The following ITPR2 variants were observed in gnomAD, a reference collection of about 807,000 sequenced individuals.
ITPR2 encodes the protein inositol 1,4,5-trisphosphate receptor type 2.
In ITPR2, 207 loss-of-function variants were observed where a neutral mutation model predicts 317.1. The observed-to-expected ratio is 0.65, with a 90% CI of 0.58 to 0.73. The LOEUF is 0.73. ITPR2 is among the 30% of genes least tolerant of loss of function. The pLI is 0.00. For synonymous variants in ITPR2, 1,156 were observed against 1,149.1 expected, an observed-to-expected ratio of 1.01 and a Z score of -0.12; for missense variants, 2,613 against 3,284.0, an observed-to-expected ratio of 0.80 and a Z score of 4.99.
chr12:26,631,947 G>A lies in ITPR2; in HGVS notation c.2853C>T (p.His951=), dbSNP rs1276169327. The part of the protein sequence containing the change: ...MSVPDVPPSI[H]PSKQGSPTEH... Reference sequence around the variant, plus strand: ...CGGTGGGGCTCCCTTGCTTGCTCGGGTGGATGCTGGGTGGCACATCCGGCA... The same window carrying A: ...CGGTGGGGCTCCCTTGCTTGCTCGGATGGATGCTGGGTGGCACATCCGGCA... Residue 951 remains histidine, a synonymous_variant, in exon 22 of 57, where the codon CAC becomes CAT. Coordinates refer to ENST00000381340, the MANE Select transcript of ITPR2 (RefSeq NM_002223.4). 3 of 1,613,908 alleles carry A rather than the reference G, an allele frequency of 1.9e-6. No homozygotes were observed. In the East Asian group the frequency reaches 6.7e-5, roughly 36 times the overall value.
intron 9 of ITPR2, among the ~76,000 whole-genome samples, chr12:26,700,305 G>C (rs1948421416): frequency 6.6e-6 from 1 of 152,342 alleles, no homozygotes; most frequent in Non-Finnish European, 1.5e-5. Context: ...AGGGAGTGAA[G>C]AAGGCAGCAA....
At chr12:26,770,779 T>A (rs1181223694) in intron 2 of ITPR2, among the ~76,000 whole-genome samples, 1 of 152,194 alleles carries the variant, frequency 6.6e-6, no homozygotes, top group African/African-American at 2.4e-5. Context: ...AGTTTATTAG[T>A]TTCCTGTGAC....
At chr12:26,661,101 C>T (rs1233987373) in intron 15 of ITPR2, among the ~76,000 whole-genome samples, 2 of 151,772 alleles carry the variant, frequency 1.3e-5, no homozygotes, top group African/African-American at 4.8e-5. Flanking sequence ...AATTAGAACA[C>T]ACAACAGAAA....
chr12:26,479,565 T>C (rs905888956), intron 43 of ITPR2, among the ~76,000 whole-genome samples: 4 of 152,130 alleles, frequency 2.6e-5, no homozygotes, highest in Admixed American at 1.3e-4. Flanking sequence ...GAATTTAAGA[T>C]AAAACAACAA....
chr12:26,369,503 G>A (rs1939119011), intron 55 of ITPR2, among the ~76,000 whole-genome samples: 1 of 152,180 alleles, frequency 6.6e-6, no homozygotes, highest in African/African-American at 2.4e-5. Flanking sequence ...GTATAAGAGG[G>A]ATAGAGGAAT....
intron 26 of ITPR2, among the ~76,000 whole-genome samples, chr12:26,615,889 A>G (rs1461315682): frequency 6.6e-6 from 1 of 152,100 alleles, no homozygotes; most frequent in Non-Finnish European, 1.5e-5. Flanking sequence ...GTATTTAAAC[A>G]GAATTAATAA....
At chr12:26,543,811 C>A (rs1297095237) in intron 37 of ITPR2, among the ~76,000 whole-genome samples, 2 of 151,890 alleles carry the variant, frequency 1.3e-5, no homozygotes, top group Non-Finnish European at 2.9e-5. Flanking sequence ...CATTTTGAAG[C>A]ATTCCTTCTC....
intron 37 of ITPR2, among the ~76,000 whole-genome samples, chr12:26,539,797 C>A (rs1031143469): frequency 3.3e-5 from 5 of 152,184 alleles, no homozygotes; most frequent in Non-Finnish European, 4.4e-5. Flanking sequence ...ATGTCAAATA[C>A]AAAGAAACCT....
intron 23 of ITPR2, 117 bp downstream of exon 23, chr12:26,627,916 T>C (rs1207562334): frequency 5.5e-6 from 5 of 903,842 alleles, no homozygotes; most frequent in Non-Finnish European, 6.6e-6. Flanking sequence ...GAACTTAAAG[T>C]ATAATAAAAA....
At chr12:26,360,672 G>A (rs116801505) in intron 55 of ITPR2, among the ~76,000 whole-genome samples, 1,710 of 152,220 alleles carry the variant, frequency 0.011, 31 homozygotes, top group African/African-American at 0.038. Flanking sequence ...TCTTGCCAAC[G>A]TTAGTAGCCA....
rs1355526034 is a variant in ITPR2 at position 26,580,021 on chromosome 12, A to T, written c.4509+6T>A. ...CAACAGAATGCTTTGCAATTGTTTA[A>T]CTTACCTGGAGGCTGGTACTATTGT... is the stretch of plus-strand genomic sequence containing the variant. On this transcript the variant is annotated splice_donor_region_variant and intron_variant, in intron 33 of 56. Coordinates refer to ENST00000381340, the MANE Select transcript of ITPR2 (RefSeq NM_002223.4). 1.9e-6 allele frequency: 3 copies of T among 1,606,078 alleles called. No homozygotes were observed. Among genetic ancestry groups the T allele is most frequent in the Non-Finnish European group, 2.5e-6 (3 of 1,177,078 alleles).
intron 12 of ITPR2, among the ~76,000 whole-genome samples, chr12:26,682,294 G>A (rs548544072): frequency 6.6e-6 from 1 of 152,166 alleles, no homozygotes; most frequent in Non-Finnish European, 1.5e-5. Flanking sequence ...ACAGAGTAGA[G>A]AAAAGGCACT....
intron 51 of ITPR2, among the ~76,000 whole-genome samples, chr12:26,414,423 T>C (rs1021430351): frequency 6.6e-6 from 1 of 152,178 alleles, no homozygotes; most frequent in African/African-American, 2.4e-5. Context: ...TAGTTTTACA[T>C]TTAACGGTTT....
At chr12:26,464,619 C>G (rs1199575763) in intron 45 of ITPR2, among the ~76,000 whole-genome samples, 1 of 152,216 alleles carries the variant, frequency 6.6e-6, no homozygotes, top group Non-Finnish European at 1.5e-5. Context: ...CTCTCTCACT[C>G]AATGAATCAA....
chr12:26,826,039 T>A (rs1265559914), intron 1 of ITPR2, among the ~76,000 whole-genome samples: 1 of 152,154 alleles, frequency 6.6e-6, no homozygotes, highest in Non-Finnish European at 1.5e-5. Context: ...ATACTAAACA[T>A]CTTATACAAA....
At chr12:26,388,874 C>G (rs1939747088) in intron 54 of ITPR2, among the ~76,000 whole-genome samples, 1 of 151,952 alleles carries the variant, frequency 6.6e-6, no homozygotes, top group Non-Finnish European at 1.5e-5. Context: ...AATTTTCTTC[C>G]CTAAACCTGC....
At chr12:26,623,377 G>A (rs568785491) in intron 24 of ITPR2, 4 of 152,226 alleles carry the variant, frequency 2.6e-5, no homozygotes, top group Non-Finnish European at 5.9e-5. Flanking sequence ...TCAGGTGACT[G>A]CTGCAGGGTC....
intron 35 of ITPR2, among the ~76,000 whole-genome samples, chr12:26,556,721 AG>A (rs1158062186): frequency 6.6e-6 from 1 of 150,860 alleles, no homozygotes; most frequent in Non-Finnish European, 1.5e-5. Flanking sequence ...TGGAGACATG[AG>A]AGGTACTCAT....
At chr12:26,618,834 T>C (rs374511104) in intron 26 of ITPR2, among the ~76,000 whole-genome samples, 1 of 152,020 alleles carries the variant, frequency 6.6e-6, no homozygotes, top group East Asian at 1.9e-4. Flanking sequence ...AATGAATGAG[T>C]TGCAGTTATA....
Sources: gnomAD v4.1 joint callset for allele counts (sites outside exome capture counted in the v4.1 genomes callset) on GRCh38, gnomAD v4.1.1 for gene constraint, MANE v1.5 for transcripts, NCBI Gene and HGNC (gene_info 2026-07-23, HGNC 2026-07-21) for gene names.